COL19A1: variants seen among roughly 807,000 people sequenced by gnomAD.
The protein encoded by COL19A1 is collagen alpha-1(XIX) chain.
COL19A1 carries 159 observed loss-of-function variants against 190.2 expected under a neutral mutation model. That is an observed-to-expected ratio of 0.84 (90% CI 0.73 to 0.95). The LOEUF (loss-of-function observed/expected upper bound fraction) is 0.95. Ranked by LOEUF, COL19A1 falls within the 40% of genes least tolerant of loss-of-function variation. The pLI is 0.00. For synonymous variants in COL19A1, 509 were observed against 458.9 expected, an observed-to-expected ratio of 1.11 and a Z score of -1.39; for missense variants, 1,418 against 1,431.9, an observed-to-expected ratio of 0.99 and a Z score of 0.16.
intron 12 of COL19A1, 68 bp downstream of exon 12, chr6:70,023,748 T>A: frequency 2.8e-6 from 4 of 1,446,344 alleles, no homozygotes; most frequent in Non-Finnish European, 3.8e-6. Flanking sequence ...TTTAATGCTA[T>A]TAAGATTTGC....
rs1446195133 is a variant in COL19A1, at chr6:70,158,077, TC to T, written c.2292+1356del. Among the ~76,000 whole-genome samples the T allele has an allele frequency of 1.2e-4, 18 of 152,240 alleles. 1 individual carries two copies. Among genetic ancestry groups the T allele is most frequent in the Admixed American group, 1.2e-3 (18 of 15,270 alleles). On this transcript the variant is annotated intron_variant, in intron 34 of 50. Transcript: ENST00000620364. ...ACACAATTCTCATTACATGGGGAGT[TC>T]CAGCAAGTTCAGGAGATTCTTTTCC...
chr6:70,144,089 CCTT>C (rs150791728), intron 23 of COL19A1, 118 bp from the exon 24 acceptor site: 17,664 of 789,076 alleles, frequency 0.022, 631 homozygotes, highest in East Asian at 0.14. Flanking sequence ...CAATCCAACT[CCTT>C]CTATTAATAG....
chr6:69,940,755 T>C (rs1163917596), intron 9 of COL19A1, among the ~76,000 whole-genome samples: 1 of 152,168 alleles, frequency 6.6e-6, no homozygotes, highest in Non-Finnish European at 1.5e-5. Context: ...CCACATTTGC[T>C]TAAACCAACA....
chr6:70,036,311 A>T (rs567213397), intron 14 of COL19A1, among the ~76,000 whole-genome samples: 1 of 152,212 alleles, frequency 6.6e-6, no homozygotes, highest in Non-Finnish European at 1.5e-5. Context: ...AAAGGACAAA[A>T]CAAACTCTAA....
chr6:70,106,589 T>C (rs1211892506), intron 16 of COL19A1, among the ~76,000 whole-genome samples: 1 of 152,202 alleles, frequency 6.6e-6, no homozygotes, highest in Non-Finnish European at 1.5e-5. Flanking sequence ...ACACATGCAA[T>C]ATGCATATAA....
chr6:70,107,924 A>G (rs1291631608), intron 16 of COL19A1, among the ~76,000 whole-genome samples: 5 of 152,140 alleles, frequency 3.3e-5, no homozygotes, highest in Non-Finnish European at 7.4e-5. Flanking sequence ...CACTCCAATA[A>G]AAGCTTGTCT....
At chr6:69,968,695 TTGTTATGGTAATTACA>T (rs1339253381) in intron 11 of COL19A1, among the ~76,000 whole-genome samples, 5 of 152,174 alleles carry the variant, frequency 3.3e-5, no homozygotes, top group Admixed American at 2.0e-4. Flanking sequence ...TCTCATTCAG[TTGTTATGGTAATTACA>T]TGCAGGACAT....
intron 4 of COL19A1, among the ~76,000 whole-genome samples, chr6:69,912,132 C>G (rs1055914854): frequency 6.6e-6 from 1 of 152,130 alleles, no homozygotes; most frequent in African/African-American, 2.4e-5. Flanking sequence ...CTTTTCTGCC[C>G]ATTGGAATCC....
intron 4 of COL19A1, 140 bp downstream of exon 4, chr6:69,900,478 A>C: frequency 2.2e-6 from 1 of 449,740 alleles, no homozygotes; most frequent in Non-Finnish European, 4.0e-6. Context: ...CGTGTTGTTA[A>C]TGTATTTGTT....
At chr6:70,047,808 G>A (rs1274785193) in intron 14 of COL19A1, among the ~76,000 whole-genome samples, 1 of 152,096 alleles carries the variant, frequency 6.6e-6, no homozygotes, top group Non-Finnish European at 1.5e-5. Context: ...AAGCAAGACA[G>A]GGACTATGAG....
intron 12 of COL19A1, among the ~76,000 whole-genome samples, chr6:70,029,919 C>T (rs965444054): frequency 6.6e-6 from 1 of 152,128 alleles, no homozygotes; most frequent in Non-Finnish European, 1.5e-5. Flanking sequence ...CTAAATGTCT[C>T]TACAACATAT....
At chr6:69,903,456 A>AG (rs1220606795) in intron 4 of COL19A1, among the ~76,000 whole-genome samples, 8 of 152,148 alleles carry the variant, frequency 5.3e-5, no homozygotes, top group African/African-American at 1.9e-4. Flanking sequence ...TTCCCTATCC[A>AG]GGGGGTTGTT....
chr6:69,946,885 A>G (rs1000567166), intron 9 of COL19A1, among the ~76,000 whole-genome samples: 1 of 151,932 alleles, frequency 6.6e-6, no homozygotes, highest in Non-Finnish European at 1.5e-5. Flanking sequence ...GTGGCCCTAT[A>G]GTAGGGCTGC....
chr6:70,142,833 T>C lies in COL19A1; in HGVS notation c.1626+13T>C, dbSNP rs907473684. On this transcript the variant is annotated intron_variant, in intron 23 of 50. Transcript: ENST00000620364. ...GCCAGGAGATGTTGTATGTATAATG[T>C]CTTTGATATTTCTGGAATTGAAATT... The C allele has an allele frequency of 3.1e-6, 5 of 1,606,090 alleles. No homozygotes were observed. Among genetic ancestry groups the C allele is most frequent in the African/African-American group, 1.3e-5 (1 of 74,480 alleles).
intron 15 of COL19A1, among the ~76,000 whole-genome samples, chr6:70,075,558 G>A (rs561050642): frequency 2.1e-4 from 32 of 152,320 alleles, no homozygotes; most frequent in African/African-American, 6.7e-4. Context: ...GGAAAAAGAT[G>A]TTGGAAAACA....
chr6:70,140,896 G>C (rs1013547332), intron 19 of COL19A1, 58 bp from the exon 20 acceptor site: 2 of 1,562,286 alleles, frequency 1.3e-6, no homozygotes, highest in African/African-American at 1.4e-5. Flanking sequence ...TCCACACCCC[G>C]GTTTGGAGAG....
intron 4 of COL19A1, among the ~76,000 whole-genome samples, chr6:69,905,629 T>C (rs1024786266): frequency 6.6e-6 from 1 of 152,220 alleles, no homozygotes; most frequent in Non-Finnish European, 1.5e-5. Context: ...CTACATGGTT[T>C]TGATAACAAG....
intron 15 of COL19A1, among the ~76,000 whole-genome samples, chr6:70,090,281 T>C (rs990025624): frequency 4.6e-5 from 7 of 152,204 alleles, no homozygotes; most frequent in Non-Finnish European, 1.0e-4. Flanking sequence ...AACCATGGAT[T>C]GAAAATATTT....
chr6:69,910,865 C>T (rs1200043766), intron 4 of COL19A1, among the ~76,000 whole-genome samples: 2 of 152,088 alleles, frequency 1.3e-5, no homozygotes, highest in Admixed American at 6.5e-5. Flanking sequence ...CTTAATTTGG[C>T]TCATAAAAAT....
Sources: allele counts gnomAD v4.1 joint callset (sites outside exome capture counted in the v4.1 genomes callset), GRCh38; gene constraint gnomAD v4.1.1; transcripts MANE v1.5; gene names NCBI Gene and HGNC (gene_info 2026-07-23, HGNC 2026-07-21).